PPP1R16B: variants seen among roughly 807,000 people sequenced by gnomAD.
PPP1R16B encodes protein phosphatase 1 regulatory inhibitor subunit 16B.
Under a neutral mutation model 61.7 loss-of-function variants are expected in PPP1R16B, and 14 were observed. The ratio of observed to expected loss-of-function variants is 0.23; its 90% CI spans 0.15 to 0.35. PPP1R16B has a LOEUF of 0.35. PPP1R16B is among the 10% of genes least tolerant of loss of function. PPP1R16B has a pLI of 1.00. For missense variants in PPP1R16B, 547 were observed against 752.5 expected, an observed-to-expected ratio of 0.73 and a Z score of 3.19; for synonymous variants, 266 against 305.3, an observed-to-expected ratio of 0.87 and a Z score of 1.34.
At chr20:38,831,044 G>A (rs1284245059) in intron 1 of PPP1R16B, among the ~76,000 whole-genome samples, 1 of 152,160 alleles carries the variant, frequency 6.6e-6, no homozygotes, top group Non-Finnish European at 1.5e-5. Context: ...AATCTGACAC[G>A]GGTGGACATT....
intron 1 of PPP1R16B, among the ~76,000 whole-genome samples, chr20:38,820,756 G>A (rs2084767961): frequency 6.6e-6 from 1 of 152,010 alleles, no homozygotes; most frequent in African/African-American, 2.4e-5. Flanking sequence ...ATTTGAGCCA[G>A]GTGCGGTGGC....
At chr20:38,814,002 G>T (rs1316249077) in intron 1 of PPP1R16B, among the ~76,000 whole-genome samples, 2 of 151,920 alleles carry the variant, frequency 1.3e-5, no homozygotes, top group African/African-American at 4.8e-5. Flanking sequence ...TCACCATGTT[G>T]GCCAGGCTGG....
chr20:38,908,370 G>A (rs2085463535), intron 10 of PPP1R16B, among the ~76,000 whole-genome samples, 177 bp downstream of exon 10: 1 of 152,238 alleles, frequency 6.6e-6, no homozygotes, highest in African/African-American at 2.4e-5. Context: ...AGCAGATTCA[G>A]TCTGATGGTG....
intron 2 of PPP1R16B, among the ~76,000 whole-genome samples, chr20:38,869,403 C>A (rs373662602): frequency 2.6e-5 from 4 of 152,142 alleles, no homozygotes; most frequent in African/African-American, 9.7e-5. Flanking sequence ...AGGTGATCCA[C>A]CCACCTCAGC....
At chr20:38,864,166 G>A (rs1487889203) in intron 2 of PPP1R16B, among the ~76,000 whole-genome samples, 1 of 152,236 alleles carries the variant, frequency 6.6e-6, no homozygotes, top group Non-Finnish European at 1.5e-5. Context: ...AAGTAGATTA[G>A]GAGTTACCTA....
rs1403739909 is a variant in PPP1R16B at position 38,835,827 on chromosome 20, C to T, written c.-99C>T. On this transcript the variant is annotated splice_region_variant and 5_prime_UTR_variant, in exon 2 of 11. Transcript: ENST00000299824. ...CTGTGTCTCCCTCCCTGCCACAGGCCACACCATGAGGCCCCAGCCCCACCA... is the reference window on the plus strand; with the variant it reads ...CTGTGTCTCCCTCCCTGCCACAGGCTACACCATGAGGCCCCAGCCCCACCA... 28 of 1,370,300 alleles carry T rather than the reference C, an allele frequency of 2.0e-5. No homozygotes were observed. The highest frequency in any genetic ancestry group is 2.7e-5 in the Non-Finnish European group (28 of 1,038,950). The allele number at this position is 1,370,300 out of a possible 1,614,324, so 84.9% of individuals were successfully genotyped here.
chr20:38,830,391 G>A (rs1307142320), intron 1 of PPP1R16B, among the ~76,000 whole-genome samples: 2 of 152,192 alleles, frequency 1.3e-5, no homozygotes, highest in Non-Finnish European at 2.9e-5. Flanking sequence ...CCAAATATCA[G>A]TCACTTATAA....
chr20:38,915,494 G>GC (rs1318244643), intron 10 of PPP1R16B, among the ~76,000 whole-genome samples: 1 of 151,010 alleles, frequency 6.6e-6, no homozygotes. Context: ...GTTCTATATG[G>GC]TTTTTTTTTG....
At chr20:38,878,739 T>A (rs2085185336) in intron 2 of PPP1R16B, among the ~76,000 whole-genome samples, 2 of 152,220 alleles carry the variant, frequency 1.3e-5, no homozygotes, top group South Asian at 4.1e-4. Context: ...TCAATGAATG[T>A]TAGATGCTAT....
At chr20:38,870,941 C>T (rs2085124659) in intron 2 of PPP1R16B, among the ~76,000 whole-genome samples, 1 of 152,118 alleles carries the variant, frequency 6.6e-6, no homozygotes. Flanking sequence ...ACACCCAGTC[C>T]CCAGTTTACT....
intron 10 of PPP1R16B, among the ~76,000 whole-genome samples, chr20:38,915,200 G>A (rs989862690): frequency 1.2e-4 from 19 of 152,090 alleles, no homozygotes; most frequent in Admixed American, 7.9e-4. Context: ...TCTTTGTGTC[G>A]TAACTCCTGT....
At chr20:38,897,188 G>A (rs1311123859) in intron 4 of PPP1R16B, among the ~76,000 whole-genome samples, 1 of 151,910 alleles carries the variant, frequency 6.6e-6, no homozygotes, top group Non-Finnish European at 1.5e-5. Context: ...TCAGCTGGGT[G>A]TGGTGGCTCA....
intron 2 of PPP1R16B, among the ~76,000 whole-genome samples, chr20:38,848,754 A>G (rs1025345722): frequency 2.6e-5 from 4 of 152,222 alleles, no homozygotes. Context: ...TGGGAGCTAA[A>G]TGCTGAAAAC....
intron 1 of PPP1R16B, among the ~76,000 whole-genome samples, chr20:38,834,938 A>G (rs2084860000): frequency 6.6e-6 from 1 of 152,210 alleles, no homozygotes. Flanking sequence ...TGAGCTTAGC[A>G]GCTGGATTCT....
At chr20:38,897,013 G>C (rs1411760258) in intron 4 of PPP1R16B, among the ~76,000 whole-genome samples, 3 of 152,222 alleles carry the variant, frequency 2.0e-5, no homozygotes, top group Non-Finnish European at 2.9e-5. Flanking sequence ...GGGCATGGTG[G>C]TGCATGCCTG....
Position 38,921,838 on chromosome 20 carries a change from G to T in PPP1R16B, c.*3172G>T, listed in dbSNP as rs1251538036. ...CCACTAATGGATAATGGGAGGAAAAGTTGCTGCTTCCTTCAGCATCAAAGC... is the reference window on the plus strand; with the variant it reads ...CCACTAATGGATAATGGGAGGAAAATTTGCTGCTTCCTTCAGCATCAAAGC... On this transcript the variant is annotated 3_prime_UTR_variant, in exon 11 of 11. Coordinates refer to ENST00000299824, the MANE Select transcript of PPP1R16B (RefSeq NM_015568.4). The T allele has an allele frequency of 6.6e-6, 1 of 152,230 alleles. No individual in the cohort carries two copies. The highest frequency in any genetic ancestry group is 1.5e-5 in the Non-Finnish European group (1 of 68,036). The allele number at this position is 152,230 out of a possible 1,614,324, so 9.4% of individuals were successfully genotyped here. A position where few individuals can be genotyped will look rare whatever the true frequency, so the allele number is the denominator to read the frequency against.
chr20:38,806,872 C>T lies in PPP1R16B; in HGVS notation c.-102+1080C>T, dbSNP rs1238798416. Among the ~76,000 whole-genome samples the T allele has an allele frequency of 6.6e-6, 1 of 152,210 alleles. No homozygotes were observed. The highest frequency in any genetic ancestry group is 1.5e-5 in the Non-Finnish European group (1 of 68,030). On this transcript the variant is annotated intron_variant, in intron 1 of 10. Coordinates refer to ENST00000299824, the MANE Select transcript of PPP1R16B (RefSeq NM_015568.4). The surrounding 1 kb of genome is among the most constrained non-coding windows in gnomAD (Gnocchi z 4.5). ...CGCCAGGCCTGGGTCCCGGTGCTCC[C>T]GGGCACCTCAGGAGCGGAGGGAGAG...
chr20:38,888,749 A>C (rs925799691), intron 2 of PPP1R16B, among the ~76,000 whole-genome samples: 1 of 151,998 alleles, frequency 6.6e-6, no homozygotes, highest in Non-Finnish European at 1.5e-5. Context: ...TGGGGCTTGA[A>C]TGGTGGTGGG....
chr20:38,918,097 A>G lies in PPP1R16B; in HGVS notation c.1195-60A>G. 6.3e-7 allele frequency: 1 copy of G among 1,583,146 alleles called. No individual in the cohort carries two copies. Among genetic ancestry groups the G allele is most frequent in the Non-Finnish European group, 8.6e-7 (1 of 1,158,748 alleles). ...ACAATAATGCCCTCAGCAGAGAGACAGGTGGATAGTAGGTTCAGATCTTCC... is the reference window on the plus strand; with the variant it reads ...ACAATAATGCCCTCAGCAGAGAGACGGGTGGATAGTAGGTTCAGATCTTCC... On this transcript the variant is annotated intron_variant, in intron 10 of 10. Transcript: ENST00000299824. The surrounding 1 kb of genome is among the most constrained non-coding windows in gnomAD (Gnocchi z 5.3).
Sources: allele counts gnomAD v4.1 joint callset (sites outside exome capture counted in the v4.1 genomes callset), GRCh38; gene constraint gnomAD v4.1.1; non-coding constraint Gnocchi (gnomAD v3.1); transcripts MANE v1.5; gene names NCBI Gene and HGNC (gene_info 2026-07-23, HGNC 2026-07-21).